The following TP53I11 variants were observed in gnomAD, a reference collection of about 807,000 sequenced individuals.
TP53I11 encodes the protein tumor protein p53 inducible protein 11.
TP53I11 carries 9 observed loss-of-function variants against 23.3 expected under a neutral mutation model. That is an observed-to-expected ratio of 0.39 (90% CI 0.23 to 0.67). The LOEUF (loss-of-function observed/expected upper bound fraction) is 0.67. TP53I11 is among the 30% of genes least tolerant of loss of function. The pLI is 0.48. For missense variants in TP53I11, 170 were observed against 255.2 expected, an observed-to-expected ratio of 0.67 and a Z score of 2.27; for synonymous variants, 100 against 106.1, an observed-to-expected ratio of 0.94 and a Z score of 0.35.
intron 2 of TP53I11, 112 bp from the exon 3 acceptor site, chr11:44,937,725 T>C (rs1861314124): frequency 8.6e-7 from 1 of 1,161,976 alleles, no homozygotes; most frequent in Non-Finnish European, 1.2e-6. Context: ...GCACCTCAGC[T>C]TGGCCAAAGG....
rs1860706806 is a variant in TP53I11 at position 44,933,025 on chromosome 11, TGGGCAGCAGC to T, written c.*1849_*1858del. On this transcript the variant is annotated 3_prime_UTR_variant, in exon 7 of 7. Coordinates refer to ENST00000525680, the MANE Select transcript of TP53I11 (RefSeq NM_006034.5). ...CACTGCCCATTGGCGGCACCACCTG[TGGGCAGCAGC>T]GGGAGGCAGTGGTGGCTCGTGGCCA... 2 of 40,576 alleles carry T rather than the reference TGGGCAGCAGC, an allele frequency of 4.9e-5. No homozygotes were observed. 2.5% of individuals were successfully genotyped at this position (40,576 alleles called of 1,614,324 possible).
At chr11:44,940,785 G>A (rs907239323) in intron 1 of TP53I11, 1 of 152,196 alleles carries the variant, frequency 6.6e-6, no homozygotes, top group Non-Finnish European at 1.5e-5. Context: ...TGAGCTGTGT[G>A]GTACATCCCT....
At position 44,948,779 on chromosome 11, in the gene TP53I11, G is replaced by A. The variant is rs144466983; in HGVS notation, c.-32+1898C>T. On this transcript the variant is annotated intron_variant, in intron 1 of 6. Coordinates refer to ENST00000525680, the MANE Select transcript of TP53I11 (RefSeq NM_006034.5). The stretch of plus-strand genomic sequence containing the variant: ...AACTGTGTGACTATGGGGCATTCCT[G>A]TTAAATCCAGCCCCCTCCTCCCCCA... Among the ~76,000 whole-genome samples the A allele has an allele frequency of 1.5e-3, 234 of 152,344 alleles. 2 individuals are homozygous for A. Among genetic ancestry groups the A allele is most frequent in the African/African-American group, 5.5e-3 (227 of 41,586 alleles).
In TP53I11 at chr11:44,938,023, C is replaced by T. The variant is rs185845114; in HGVS notation, c.129+184G>A. ...AAAAAGCAACTGCTGGAAAACCGGGCACGTAATAGGCACTTAATTCTAATG... is the reference window on the plus strand; with the variant it reads ...AAAAAGCAACTGCTGGAAAACCGGGTACGTAATAGGCACTTAATTCTAATG... On this transcript the variant is annotated intron_variant, in intron 2 of 6. Coordinates refer to ENST00000525680, the MANE Select transcript of TP53I11 (RefSeq NM_006034.5). Among the ~76,000 whole-genome samples the T allele has an allele frequency of 3.3e-5, 5 of 152,312 alleles. No homozygotes were observed. In the East Asian group the frequency reaches 9.7e-4, roughly 29 times the overall value.
chr11:44,936,110 G>T lies in TP53I11; in HGVS notation c.335-448C>A. On this transcript the variant is annotated intron_variant, in intron 5 of 6. Coordinates refer to ENST00000525680, the MANE Select transcript of TP53I11 (RefSeq NM_006034.5). The surrounding 1 kb of genome is among the most constrained non-coding windows in gnomAD (Gnocchi z 4.4). ...GAGCCCGGTAAGGACTCGCTTTAAG[G>T]AAGTCCCCTGGGGGAGGGGGATGAA... 2 of 635,318 alleles carry T rather than the reference G, an allele frequency of 3.1e-6. No homozygotes were observed. Among genetic ancestry groups the T allele is most frequent in the Non-Finnish European group, 4.0e-6 (2 of 501,000 alleles). The allele number at this position is 635,318 out of a possible 1,614,324, so 39.4% of individuals were successfully genotyped here.
intron 1 of TP53I11, chr11:44,941,046 C>T (rs562207463): frequency 6.6e-6 from 1 of 152,356 alleles, no homozygotes; most frequent in East Asian, 1.9e-4. Context: ...TCGGTTTCCT[C>T]ATCTGTGAAA....
chr11:44,934,383 T>G lies in TP53I11; in HGVS notation c.*501A>C, dbSNP rs975878869. On this transcript the variant is annotated 3_prime_UTR_variant, in exon 7 of 7. Coordinates refer to ENST00000525680, the MANE Select transcript of TP53I11 (RefSeq NM_006034.5). ...GGTGTGCATGTGGAGAGGGCCAGAT[T>G]GAGGAGGAGGGGTACAGGGTTTTCC... 29 of 173,982 alleles carry G rather than the reference T, an allele frequency of 1.7e-4. No homozygotes were observed. Among genetic ancestry groups the G allele is most frequent in the Admixed American group, 2.7e-4 (5 of 18,430 alleles). The allele number at this position is 173,982 out of a possible 1,614,324, so 10.8% of individuals were successfully genotyped here. A position where few individuals can be genotyped will look rare whatever the true frequency, so the allele number is the denominator to read the frequency against.
At chr11:44,939,245 C>T (rs1208223708) in intron 1 of TP53I11, 1 of 152,290 alleles carries the variant, frequency 6.6e-6, no homozygotes, top group Non-Finnish European at 1.5e-5. Context: ...CAGAGGCTGG[C>T]TCCGGGGTGG....
intron 3 of TP53I11, 96 bp from the exon 4 acceptor site, chr11:44,937,448 G>A (rs1861275510): frequency 6.6e-7 from 1 of 1,514,910 alleles, no homozygotes; most frequent in Non-Finnish European, 8.9e-7. Flanking sequence ...GGAAGGTAAT[G>A]AGACAAAATA....
At chr11:44,950,287 CG>C (rs1308377307) in intron 1 of TP53I11, 2 of 152,268 alleles carry the variant, frequency 1.3e-5, no homozygotes, top group Non-Finnish European at 2.9e-5. Context: ...GCTTTCGCTC[CG>C]TTTCTCTCCT....
chr11:44,938,342 C>T lies in TP53I11; in HGVS notation c.-7G>A. On this transcript the variant is annotated 5_prime_UTR_variant, in exon 2 of 7. Transcript: ENST00000525680. The stretch of plus-strand genomic sequence containing the variant: ...GGGGCTGCTTGGCCGCCATCTTCTC[C>T]TCCAGCCCGGCCTCTGCAGAAGGGC... 1 of 1,592,596 alleles carries T rather than the reference C, an allele frequency of 6.3e-7. No individual in the cohort carries two copies. The highest frequency in any genetic ancestry group is 1.1e-5 in the South Asian group (1 of 87,864).
Position 44,937,316 on chromosome 11 carries a change from G to T in TP53I11, c.225C>A (p.Gly75=), listed in dbSNP as rs147323113. The T allele has an allele frequency of 1.1e-4, 166 of 1,504,058 alleles. No homozygotes were observed. In the African/African-American group the frequency reaches 2.0e-3, roughly 18 times the overall value. 93.2% of individuals were successfully genotyped at this position (1,504,058 alleles called of 1,614,324 possible). The change falls in exon 4 of 7, where the codon GGC becomes GGA. Residue 75 remains glycine (G), a synonymous_variant. Transcript: ENST00000525680. ...WQFVSAVLFS[G]IAIMALAFPD... Reference sequence around the variant, plus strand: ...GGTGGGGGCTCACCATGATGGCAATGCCGGAGAAGAGCACAGCAGAGACGA... The same window carrying T: ...GGTGGGGGCTCACCATGATGGCAATTCCGGAGAAGAGCACAGCAGAGACGA...
chr11:44,942,564 G>T (rs1861999020), intron 1 of TP53I11, among the ~76,000 whole-genome samples: 1 of 152,224 alleles, frequency 6.6e-6, no homozygotes. Context: ...TGCTGGGGCT[G>T]GGAAGAGTGG....
intron 1 of TP53I11, chr11:44,940,580 CAA>C (rs1478664542): frequency 6.6e-6 from 1 of 152,200 alleles, no homozygotes; most frequent in African/African-American, 2.4e-5. Context: ...CTGTGTGTAT[CAA>C]GAGTCCGCTC....
rs1860722878 is a variant in TP53I11, at chr11:44,933,129, TG to T, written c.*1754del. ...ACAGGCTTAGGTAGCAAGAGACAGA[TG>T]CCAGGAGAGGGGCCCTTCCTCAGGG... On this transcript the variant is annotated 3_prime_UTR_variant, in exon 7 of 7. Transcript: ENST00000525680. The T allele has an allele frequency of 6.6e-6, 1 of 152,200 alleles. No homozygotes were observed. The allele number at this position is 152,200 out of a possible 1,614,324, so 9.4% of individuals were successfully genotyped here. A position where few individuals can be genotyped will look rare whatever the true frequency, so the allele number is the denominator to read the frequency against.
At chr11:44,937,471 C>T in intron 3 of TP53I11, 84 bp downstream of exon 3, 3 of 1,555,824 alleles carry the variant, frequency 1.9e-6, no homozygotes, top group South Asian at 1.2e-5. Flanking sequence ...ATCCAGGGAC[C>T]AGGCCAAATG....
intron 1 of TP53I11, among the ~76,000 whole-genome samples, chr11:44,941,975 T>TACAC (rs3051420): frequency 2.8e-4 from 28 of 98,644 alleles, no homozygotes; most frequent in East Asian, 6.9e-4. Flanking sequence ...GCACACACAG[T>TACAC]ACACACACAC....
rs963171182 is a variant in TP53I11, at chr11:44,936,175, C to T, written c.335-513G>A. On this transcript the variant is annotated intron_variant, in intron 5 of 6. Coordinates refer to ENST00000525680, the MANE Select transcript of TP53I11 (RefSeq NM_006034.5). The surrounding 1 kb of genome is among the most constrained non-coding windows in gnomAD (Gnocchi z 4.4). Reference sequence around the variant, plus strand: ...AGAAGACCACTGACTTGGCCTCTAGCAGGCCCCGCCCACCCAGTGTCTGCT... The same window carrying T: ...AGAAGACCACTGACTTGGCCTCTAGTAGGCCCCGCCCACCCAGTGTCTGCT... 8.2e-5 allele frequency: 82 copies of T among 1,000,142 alleles called. No homozygotes were observed. Among genetic ancestry groups the T allele is most frequent in the Non-Finnish European group, 9.6e-5 (80 of 836,966 alleles). The allele number at this position is 1,000,142 out of a possible 1,614,324, so 62.0% of individuals were successfully genotyped here.
rs551513720 is a variant in TP53I11, at chr11:44,938,422, G to A, written c.-31-56C>T. 21 of 1,446,986 alleles carry A rather than the reference G, an allele frequency of 1.5e-5. No individual in the cohort carries two copies. The African/African-American group carries it at 3.0e-4, about 21-fold the overall frequency. The allele number at this position is 1,446,986 out of a possible 1,614,324, so 89.6% of individuals were successfully genotyped here. A position where few individuals can be genotyped will look rare whatever the true frequency, so the allele number is the denominator to read the frequency against. On this transcript the variant is annotated intron_variant, in intron 1 of 6. Transcript: ENST00000525680. ...TTCCTACCCAGCTTCCAGACCCTAG[G>A]GGAAGGGGCCTGACTAGCGGAAGGC...
Sources: gnomAD v4.1 joint callset for allele counts (sites outside exome capture counted in the v4.1 genomes callset) on GRCh38, gnomAD v4.1.1 for gene constraint, Gnocchi (gnomAD v3.1) non-coding constraint, MANE v1.5 for transcripts, NCBI Gene and HGNC (gene_info 2026-07-23, HGNC 2026-07-21) for gene names.